TET2: variants seen among roughly 807,000 people sequenced by gnomAD.
TET2 encodes the protein methylcytosine dioxygenase TET2.
In TET2, 299 loss-of-function variants were observed where a neutral mutation model predicts 142.9. That is an observed-to-expected ratio of 2.09 (90% confidence interval 1.90 to 2.30). The LOEUF is 2.30. Among genes scored for constraint, TET2 ranks in the 30% most tolerant of loss-of-function variants. TET2 has a pLI of 0.00. For synonymous variants in TET2, 819 were observed against 849.0 expected, an observed-to-expected ratio of 0.96 and a Z score of 0.61; for missense variants, 2,418 against 2,378.0, an observed-to-expected ratio of 1.02 and a Z score of -0.35.
At chr4:105,163,296 A>C (rs1190337528) in intron 1 of TET2, among the ~76,000 whole-genome samples, 1 of 152,164 alleles carries the variant, frequency 6.6e-6, no homozygotes, top group Non-Finnish European at 1.5e-5. Flanking sequence ...AGACATTGCC[A>C]CCTGGATTGC....
At chr4:105,259,790 A>C in intron 7 of TET2, 21 bp downstream of exon 7, 4 of 1,544,764 alleles carry the variant, frequency 2.6e-6, no homozygotes, top group Non-Finnish European at 3.5e-6. Context: ...TTCCTGATGT[A>C]TAATCGCTTT....
chr4:105,170,843 C>G (rs1724424597), intron 1 of TET2, among the ~76,000 whole-genome samples: 1 of 152,132 alleles, frequency 6.6e-6, no homozygotes, highest in Non-Finnish European at 1.5e-5. Flanking sequence ...TAGTTTTGAA[C>G]AACTGATTTA....
intron 1 of TET2, among the ~76,000 whole-genome samples, chr4:105,188,712 A>G (rs1296659876): frequency 6.6e-6 from 1 of 152,206 alleles, no homozygotes; most frequent in African/African-American, 2.4e-5. Flanking sequence ...ATACAGATGC[A>G]CCTTAAAAAC....
chr4:105,266,736 A>G (rs1730698050), intron 8 of TET2, among the ~76,000 whole-genome samples: 1 of 152,078 alleles, frequency 6.6e-6, no homozygotes, highest in Non-Finnish European at 1.5e-5. Context: ...AAAAAAATGA[A>G]TATATAAAAG....
chr4:105,198,213 A>G (rs983816968), intron 2 of TET2, among the ~76,000 whole-genome samples: 16 of 151,982 alleles, frequency 1.1e-4, no homozygotes, highest in Non-Finnish European at 1.6e-4. Flanking sequence ...GTGCATGCCT[A>G]TAATACCAGC....
chr4:105,243,646 C>A lies in TET2; in HGVS notation c.3671C>A (p.Ala1224Glu), dbSNP rs2110255031. 1 of 1,551,568 alleles carries A rather than the reference C, an allele frequency of 6.4e-7. No homozygotes were observed. The highest frequency in any genetic ancestry group is 8.7e-7 in the Non-Finnish European group (1 of 1,146,938). The change falls in exon 6 of 11, where the codon GCA becomes GAA. Residue 1224 changes from alanine (A) to glutamate (E), a missense_variant. Coordinates refer to ENST00000380013, the MANE Select transcript of TET2 (RefSeq NM_001127208.3). ...CGAGCTGGCCACACCTGTGAGGCTG[C>A]AGTGATTGTGATTCTCATCCTGGTG... is the stretch of plus-strand genomic sequence containing the variant. ...RERAGHTCEA[A>E]VIVILILVWE...
chr4:105,230,529 G>A (rs928998289), intron 2 of TET2, among the ~76,000 whole-genome samples: 2 of 152,036 alleles, frequency 1.3e-5, no homozygotes, highest in African/African-American at 2.4e-5. Context: ...TCACTAATTG[G>A]AGAAGAGAAA....
chr4:105,249,057 T>C lies in TET2; in HGVS notation c.3803+5279T>C, dbSNP rs528294343. ...ACACCACATTTTTTGAGACAGAGTC[T>C]CGCTCTGTTGCCCAGGCTAGGGTGC... On this transcript the variant is annotated intron_variant, in intron 6 of 10. Transcript: ENST00000380013. 3.2e-3 allele frequency among the ~76,000 whole-genome samples: 477 copies of C among 150,684 alleles called. 2 individuals carry two copies. The highest frequency in any genetic ancestry group is 7.1e-3 in the Admixed American group (106 of 15,006).
chr4:105,254,780 C>T (rs573440277), intron 6 of TET2, among the ~76,000 whole-genome samples: 2 of 152,236 alleles, frequency 1.3e-5, no homozygotes, highest in South Asian at 2.1e-4. Flanking sequence ...TTCCCCTCCT[C>T]CTATGGAAGC....
Position 105,236,398 on chromosome 4 carries a change from A to G in TET2, c.2456A>G (p.Tyr819Cys), listed in dbSNP as rs765328645. 1.2e-6 allele frequency: 2 copies of G among 1,614,084 alleles called. No individual in the cohort carries two copies. Among genetic ancestry groups the G allele is most frequent in the East Asian group, 2.2e-5 (1 of 44,862 alleles). ...VQNINRRNSP[Y>C]SQTMKSSACK... ...AATATAAATCGTAGAAATTCCCCTT[A>G]TAGTCAGACCATGAAATCAAGTGCA... The change falls in exon 3 of 11, where the codon TAT becomes TGT. Residue 819 changes from tyrosine (Y) to cysteine (C), a missense_variant. Transcript: ENST00000380013.
chr4:105,264,612 G>A (rs1244162843), intron 8 of TET2, among the ~76,000 whole-genome samples: 1 of 152,128 alleles, frequency 6.6e-6, no homozygotes, highest in African/African-American at 2.4e-5. Flanking sequence ...AAAATGTGTT[G>A]ATGTAATGTC....
At chr4:105,224,674 A>G (rs1255899149) in intron 2 of TET2, among the ~76,000 whole-genome samples, 3 of 111,146 alleles carry the variant, frequency 2.7e-5, no homozygotes, top group Non-Finnish European at 2.0e-5. Flanking sequence ...CATAATTGAC[A>G]TATCAGCCAG....
At chr4:105,186,738 C>T (rs111401876) in intron 1 of TET2, among the ~76,000 whole-genome samples, 2,152 of 152,194 alleles carry the variant, frequency 0.014, 47 homozygotes, top group African/African-American at 0.047. Flanking sequence ...TCCCAAAGTG[C>T]TGGGATTGCA....
chr4:105,174,956 TAAC>T (rs1724693882), intron 1 of TET2, among the ~76,000 whole-genome samples: 1 of 152,154 alleles, frequency 6.6e-6, no homozygotes, highest in African/African-American at 2.4e-5. Flanking sequence ...GGAAAATATA[TAAC>T]TCTGGACAAC....
At chr4:105,251,767 A>G (rs996248364) in intron 6 of TET2, among the ~76,000 whole-genome samples, 4 of 152,114 alleles carry the variant, frequency 2.6e-5, no homozygotes, top group East Asian at 1.9e-4. Context: ...TCCCTTCTCT[A>G]TCTTTTGGAA....
intron 6 of TET2, among the ~76,000 whole-genome samples, chr4:105,255,149 TTG>T (rs1367356377): frequency 1.3e-5 from 2 of 152,176 alleles, no homozygotes; most frequent in Non-Finnish European, 2.9e-5. Flanking sequence ...TTTTAGTAGT[TTG>T]TGTTTTTCTA....
At chr4:105,195,686 A>G (rs954196920) in intron 2 of TET2, among the ~76,000 whole-genome samples, 1 of 150,446 alleles carries the variant, frequency 6.6e-6, no homozygotes, top group African/African-American at 2.5e-5. Flanking sequence ...ATTAATCTGT[A>G]CATGTTCATT....
intron 1 of TET2, among the ~76,000 whole-genome samples, chr4:105,163,589 G>A (rs1037626928): frequency 6.6e-6 from 1 of 152,062 alleles, no homozygotes; most frequent in Non-Finnish European, 1.5e-5. Flanking sequence ...TAATTCTTAT[G>A]TCATCTATAT....
Position 105,235,864 on chromosome 4 carries a change from GGCAGTCC to G in TET2, c.1923_1929del (p.Gln642LysfsTer56). On this transcript the variant is annotated frameshift_variant, in exon 3 of 11. Coordinates refer to ENST00000380013, the MANE Select transcript of TET2 (RefSeq NM_001127208.3). LOFTEE classifies it high-confidence loss of function. ...ATGTACCAAGTTGAAATGAATCAAG[GGCAGTCC>G]CAAGGTACAGTGGACCAACATCTCC... is the stretch of plus-strand genomic sequence containing the variant. 1 of 1,613,860 alleles carries G rather than the reference GGCAGTCC, an allele frequency of 6.2e-7. No individual in the cohort carries two copies. Among genetic ancestry groups the G allele is most frequent in the Non-Finnish European group, 8.5e-7 (1 of 1,179,974 alleles).
Sources: gnomAD v4.1 joint callset for allele counts (sites outside exome capture counted in the v4.1 genomes callset) on GRCh38, gnomAD v4.1.1 for gene constraint, MANE v1.5 for transcripts, NCBI Gene and HGNC (gene_info 2026-07-23, HGNC 2026-07-21) for gene names.